The following SH3RF3 variants were observed in gnomAD, a reference collection of about 807,000 sequenced individuals.
SH3RF3 encodes the protein SH3 domain containing ring finger 3, also known as E3 ubiquitin-protein ligase SH3RF3.
Under a neutral mutation model 66.3 loss-of-function variants are expected in SH3RF3, and 29 were observed. That is an observed-to-expected ratio of 0.44 (90% CI 0.33 to 0.60). SH3RF3 has a LOEUF of 0.60. SH3RF3 is among the 20% of genes least tolerant of loss of function. SH3RF3 has a pLI of 0.04. For missense variants in SH3RF3, 1,194 were observed against 1,190.9 expected, an observed-to-expected ratio of 1.00 and a Z score of -0.04; for synonymous variants, 583 against 532.0, an observed-to-expected ratio of 1.10 and a Z score of -1.32.
chr2:109,392,685 AT>A (rs568902559), intron 3 of SH3RF3, among the ~76,000 whole-genome samples: 9 of 149,204 alleles, frequency 6.0e-5, no homozygotes, highest in African/African-American at 9.9e-5. Flanking sequence ...CGCCCGGCTA[AT>A]TTTTTTTTTC....
intron 1 of SH3RF3, among the ~76,000 whole-genome samples, chr2:109,219,664 A>C (rs1006003614): frequency 3.9e-4 from 59 of 152,362 alleles, no homozygotes; most frequent in Middle Eastern, 6.8e-3. Flanking sequence ...GAACAATCCG[A>C]AAAGGAAATA....
Position 109,167,037 on chromosome 2 carries a change from G to A in SH3RF3, c.573+36924G>A, listed in dbSNP as rs966420766. ...AAAGAACAATACACACCACTCATCG[G>A]TGTCCCGTGGGAATACCATGGAGGT... On this transcript the variant is annotated intron_variant, in intron 1 of 9. Coordinates refer to ENST00000309415, the MANE Select transcript of SH3RF3 (RefSeq NM_001099289.3). Among the ~76,000 whole-genome samples, 9 of 152,192 alleles carry A rather than the reference G, an allele frequency of 5.9e-5. 1 individual carries two copies. Among genetic ancestry groups the A allele is most frequent in the African/African-American group, 1.9e-4 (8 of 41,452 alleles).
intron 8 of SH3RF3, among the ~76,000 whole-genome samples, chr2:109,461,720 G>A (rs1450172200): frequency 6.6e-6 from 1 of 152,214 alleles, no homozygotes; most frequent in Non-Finnish European, 1.5e-5. Flanking sequence ...ATCCCTGTCT[G>A]CCACAATAGT....
chr2:109,422,097 G>T (rs1314976661), intron 5 of SH3RF3, among the ~76,000 whole-genome samples: 1 of 152,106 alleles, frequency 6.6e-6, no homozygotes, highest in Non-Finnish European at 1.5e-5. Context: ...CCGGGGTGGG[G>T]GTCTGATCTA....
chr2:109,238,488 TGTGTGTGTGTGA>T (rs762182484), intron 1 of SH3RF3, among the ~76,000 whole-genome samples: 45 of 137,992 alleles, frequency 3.3e-4, no homozygotes, highest in African/African-American at 9.3e-4. Flanking sequence ...TGTGTGTGTG[TGTGTGTGTGTGA>T]GAGTGAGACA....
chr2:109,213,187 C>G (rs991838686), intron 1 of SH3RF3, among the ~76,000 whole-genome samples: 8 of 152,224 alleles, frequency 5.3e-5, no homozygotes, highest in Non-Finnish European at 8.8e-5. Context: ...TGCTTATTCT[C>G]TTCCTTGGCA....
chr2:109,160,209 G>A (rs1677457327), intron 1 of SH3RF3, among the ~76,000 whole-genome samples: 2 of 152,176 alleles, frequency 1.3e-5, no homozygotes, highest in Admixed American at 6.5e-5. Flanking sequence ...GGGTCTTGTG[G>A]GATGAACAGC....
At position 109,498,062 on chromosome 2, in the gene SH3RF3, C is replaced by T. The variant is rs1679297308; in HGVS notation, c.2481-3441C>T. The stretch of plus-strand genomic sequence containing the variant: ...TCACAGACCGCTGGCTGCATCCCGG[C>T]AGCCATCTGTCCTCCTTGAAGGAGG... On this transcript the variant is annotated intron_variant, in intron 9 of 9. Coordinates refer to ENST00000309415, the MANE Select transcript of SH3RF3 (RefSeq NM_001099289.3). 2.6e-5 allele frequency among the ~76,000 whole-genome samples: 4 copies of T among 152,296 alleles called. No homozygotes were observed. In the South Asian group the frequency reaches 8.3e-4, roughly 32 times the overall value.
At chr2:109,142,612 GT>G (rs1676983840) in intron 1 of SH3RF3, among the ~76,000 whole-genome samples, 2 of 152,164 alleles carry the variant, frequency 1.3e-5, no homozygotes, top group Admixed American at 1.3e-4. Flanking sequence ...GCCTCTCTGG[GT>G]TCTCTGGGGG....
intron 1 of SH3RF3, among the ~76,000 whole-genome samples, chr2:109,294,289 C>T (rs561583757): frequency 2.0e-5 from 3 of 152,154 alleles, no homozygotes; most frequent in South Asian, 2.1e-4. Context: ...GTGCCGTGTG[C>T]GGTGGTCATG....
intron 8 of SH3RF3, among the ~76,000 whole-genome samples, chr2:109,473,328 C>T (rs1350712857): frequency 6.6e-6 from 1 of 152,194 alleles, no homozygotes; most frequent in Non-Finnish European, 1.5e-5. Flanking sequence ...TGTGCCTGGG[C>T]TTGTGGCTGG....
At chr2:109,258,815 C>A (rs571862731) in intron 1 of SH3RF3, among the ~76,000 whole-genome samples, 2 of 152,348 alleles carry the variant, frequency 1.3e-5, no homozygotes, top group Admixed American at 1.3e-4. Flanking sequence ...CAGGTCAGAG[C>A]AGGACCCATC....
chr2:109,195,621 T>G (rs1678479277), intron 1 of SH3RF3, among the ~76,000 whole-genome samples: 1 of 152,218 alleles, frequency 6.6e-6, no homozygotes, highest in African/African-American at 2.4e-5. Flanking sequence ...TCTGGAAGGA[T>G]GCCTCTTTCC....
At chr2:109,289,656 A>T (rs1400548999) in intron 1 of SH3RF3, among the ~76,000 whole-genome samples, 2 of 152,162 alleles carry the variant, frequency 1.3e-5, no homozygotes, top group Non-Finnish European at 2.9e-5. Context: ...ATCCTATTCC[A>T]TGGCTCTCTG....
At chr2:109,288,769 A>T (rs1574552370) in intron 1 of SH3RF3, among the ~76,000 whole-genome samples, 1 of 151,928 alleles carries the variant, frequency 6.6e-6, no homozygotes, top group Admixed American at 6.5e-5. Context: ...CATGGCTGGG[A>T]CAGCAGATGG....
At chr2:109,474,491 G>T (rs1022173897) in intron 8 of SH3RF3, among the ~76,000 whole-genome samples, 2 of 152,194 alleles carry the variant, frequency 1.3e-5, no homozygotes, top group Non-Finnish European at 2.9e-5. Flanking sequence ...GATCCCTGGG[G>T]ACAGGCGGCA....
chr2:109,341,629 G>A (rs1364616619), intron 1 of SH3RF3, among the ~76,000 whole-genome samples: 1 of 152,158 alleles, frequency 6.6e-6, no homozygotes, highest in Non-Finnish European at 1.5e-5. Context: ...CATGGTATGG[G>A]GGTGTGTTCT....
chr2:109,341,910 G>A (rs1180440592), intron 1 of SH3RF3, among the ~76,000 whole-genome samples: 1 of 152,162 alleles, frequency 6.6e-6, no homozygotes, highest in South Asian at 2.1e-4. Flanking sequence ...GTTGAAATTT[G>A]GAATATTCTG....
chr2:109,259,811 G>A (rs534040177), intron 1 of SH3RF3, among the ~76,000 whole-genome samples: 5 of 152,276 alleles, frequency 3.3e-5, no homozygotes, highest in South Asian at 4.1e-4. Context: ...TCTCTGGGAG[G>A]TCTCTGTTTG....
Sources: allele counts gnomAD v4.1 joint callset (sites outside exome capture counted in the v4.1 genomes callset), GRCh38; gene constraint gnomAD v4.1.1; transcripts MANE v1.5; gene names NCBI Gene and HGNC (gene_info 2026-07-23, HGNC 2026-07-21).